The following BAIAP2 variants were observed in gnomAD, a reference collection of about 807,000 sequenced individuals.
The protein encoded by BAIAP2 is BAR/IMD domain containing adaptor protein 2, also known as BAR/IMD domain-containing adapter protein 2.
Under a neutral mutation model 63.0 loss-of-function variants are expected in BAIAP2, and 18 were observed. The observed-to-expected ratio is 0.29, with a 90% CI of 0.20 to 0.42. The LOEUF is 0.42. Among genes scored for constraint, BAIAP2 ranks in the 10% least tolerant of loss-of-function variants. The pLI is 1.00. For missense variants in BAIAP2, 610 were observed against 734.3 expected (o/e 0.83, Z 1.96); for synonymous variants, 386 against 307.6 (o/e 1.25, Z -2.67).
At chr17:81,089,670 G>A (rs917375748) in intron 6 of BAIAP2, among the ~76,000 whole-genome samples, 2 of 152,186 alleles carry the variant, frequency 1.3e-5, no homozygotes, top group East Asian at 3.9e-4. Context: ...CTTACAGGCT[G>A]TCTGCGTCCT....
intron 6 of BAIAP2, 147 bp downstream of exon 6, chr17:81,086,727 G>GA (rs1269015930): frequency 2.1e-6 from 2 of 936,256 alleles, no homozygotes; most frequent in African/African-American, 3.3e-5. Context: ...GACCTCGGGA[G>GA]CGGTGGGCCT....
chr17:81,070,349 G>A (rs991003231), intron 3 of BAIAP2, among the ~76,000 whole-genome samples: 7 of 152,200 alleles, frequency 4.6e-5, no homozygotes, highest in African/African-American at 9.6e-5. Context: ...CACACTGAGC[G>A]GACGTCCAGG....
intron 3 of BAIAP2, among the ~76,000 whole-genome samples, chr17:81,065,573 G>T (rs2051316587): frequency 6.6e-6 from 1 of 152,322 alleles, no homozygotes; most frequent in Non-Finnish European, 1.5e-5. Flanking sequence ...GCTGTGGTTT[G>T]CAGTGTCCTG....
chr17:81,092,812 C>T (rs11867837), intron 6 of BAIAP2, among the ~76,000 whole-genome samples: 4,834 of 152,246 alleles, frequency 0.032, 270 homozygotes, highest in African/African-American at 0.11. Flanking sequence ...TTCTCCACAC[C>T]ACGCGGGGCA....
intron 13 of BAIAP2, among the ~76,000 whole-genome samples, chr17:81,115,123 G>GCAT (rs1195683615): frequency 1.3e-5 from 2 of 152,234 alleles, no homozygotes; most frequent in Non-Finnish European, 2.9e-5. Flanking sequence ...TCGTATTTGT[G>GCAT]CATCAGCTGT....
chr17:81,085,209 C>G, intron 4 of BAIAP2: 1 of 514,144 alleles, frequency 1.9e-6, no homozygotes, highest in Non-Finnish European at 3.5e-6. Flanking sequence ...GCACACTTCC[C>G]CTGGCCTCTC....
chr17:81,068,889 G>A (rs937415266), intron 3 of BAIAP2, among the ~76,000 whole-genome samples: 9 of 152,168 alleles, frequency 5.9e-5, no homozygotes, highest in Non-Finnish European at 1.0e-4. Flanking sequence ...GTCTGTGACC[G>A]TTGTCCCAGA....
chr17:81,052,991 G>T (rs1228442265), intron 1 of BAIAP2, among the ~76,000 whole-genome samples: 1 of 152,200 alleles, frequency 6.6e-6, no homozygotes, highest in Non-Finnish European at 1.5e-5. Context: ...TGTTATGCCG[G>T]TAGAATTCTC....
chr17:81,099,490 GTGCTCC>G (rs2058199372), intron 6 of BAIAP2, among the ~76,000 whole-genome samples: 1 of 152,190 alleles, frequency 6.6e-6, no homozygotes, highest in Admixed American at 6.5e-5. Context: ...ACAGGTGAGA[GTGCTCC>G]AGGCAACAGG....
At chr17:81,085,094 C>T in intron 4 of BAIAP2, 1 of 607,602 alleles carries the variant, frequency 1.6e-6, no homozygotes, top group Non-Finnish European at 2.9e-6. Context: ...ACCGCGGCCG[C>T]ATGTTTCACT....
chr17:81,109,808 AC>A (rs1440067404), intron 13 of BAIAP2: 1 of 984,968 alleles, frequency 1.0e-6, no homozygotes, highest in East Asian at 1.1e-4. Flanking sequence ...TCCAGAGACC[AC>A]CCCACCCCCA....
At chr17:81,109,581 G>A (rs1196855643) in intron 13 of BAIAP2, 1 of 985,240 alleles carries the variant, frequency 1.0e-6, no homozygotes, top group Non-Finnish European at 1.2e-6. Flanking sequence ...CAGAGAAAGG[G>A]GGCTCGTGCC....
At chr17:81,071,012 G>T (rs999348667) in intron 3 of BAIAP2, among the ~76,000 whole-genome samples, 1 of 152,202 alleles carries the variant, frequency 6.6e-6, no homozygotes, top group Non-Finnish European at 1.5e-5. Context: ...TTGACACCAA[G>T]GTGGCTCTTT....
At chr17:81,076,747 C>G (rs1216648709) in intron 3 of BAIAP2, among the ~76,000 whole-genome samples, 1 of 151,952 alleles carries the variant, frequency 6.6e-6, no homozygotes, top group Non-Finnish European at 1.5e-5. Context: ...CTTTGGGAGT[C>G]CACTTGATCC....
At chr17:81,057,988 CCGCCT>C in intron 3 of BAIAP2, 21 bp downstream of exon 3, 2 of 1,122,482 alleles carry the variant, frequency 1.8e-6, no homozygotes, top group Non-Finnish European at 2.4e-6. Flanking sequence ...CCCCCCCCCC[CCGCCT>C]GGTAGTCGCC....
chr17:81,073,527 A>T (rs2053082090), intron 3 of BAIAP2, among the ~76,000 whole-genome samples: 1 of 152,086 alleles, frequency 6.6e-6, no homozygotes, highest in Non-Finnish European at 1.5e-5. Context: ...TCCATTTGGG[A>T]TTCGGAGTCA....
At chr17:81,102,344 G>A (rs539505926) in intron 7 of BAIAP2, among the ~76,000 whole-genome samples, 13 of 152,248 alleles carry the variant, frequency 8.5e-5, no homozygotes, top group African/African-American at 3.1e-4. Context: ...GTCTGCCCTA[G>A]TGCTGGTCCC....
chr17:81,055,699 G>A (rs1369724956), intron 2 of BAIAP2, among the ~76,000 whole-genome samples: 3 of 151,524 alleles, frequency 2.0e-5, no homozygotes, highest in African/African-American at 7.3e-5. Flanking sequence ...CCGAGTAGCT[G>A]GGACCACAGG....
rs570893354 is a variant in BAIAP2, at chr17:81,073,765, A to G, written c.218-11067A>G. On this transcript the variant is annotated intron_variant, in intron 3 of 13. Coordinates refer to ENST00000428708, the MANE Select transcript of BAIAP2 (RefSeq NM_001144888.2). ...ATTTTCTGGAGTAAAAAAAGGCACA[A>G]ATCTTTAAAATGTCACTGTTGTGAA... Among the ~76,000 whole-genome samples the G allele has an allele frequency of 5.9e-5, 9 of 152,284 alleles. No homozygotes were observed. In the South Asian group the frequency reaches 1.0e-3, roughly 18 times the overall value.
Sources: allele counts gnomAD v4.1 joint callset (sites outside exome capture counted in the v4.1 genomes callset), GRCh38; gene constraint gnomAD v4.1.1; transcripts MANE v1.5; gene names NCBI Gene and HGNC (gene_info 2026-07-23, HGNC 2026-07-21).